Variants in ENOX1 observed in about 807,000 individuals in gnomAD.
ENOX1 encodes the protein ecto-NOX disulfide-thiol exchanger 1, also known as candidate growth-related and time keeping constitutive hydroquinone (NADH) oxidase.
In ENOX1, 42 loss-of-function variants were observed where a neutral mutation model predicts 82.5. That is an observed-to-expected ratio of 0.51 (90% CI 0.40 to 0.66). ENOX1 has a LOEUF of 0.66. Ranked by LOEUF, ENOX1 falls within the 30% of genes least tolerant of loss-of-function variation. The pLI, the probability that ENOX1 is intolerant of heterozygous loss-of-function variation, is 0.00. For synonymous variants in ENOX1, 271 were observed against 282.2 expected (o/e 0.96, Z 0.40); for missense variants, 608 against 811.6 (o/e 0.75, Z 3.05).
chr13:43,726,718 TTGTGTGTGTGTGTG>T (rs55918525), intron 1 of ENOX1, among the ~76,000 whole-genome samples: 2 of 144,698 alleles, frequency 1.4e-5, no homozygotes, highest in Non-Finnish European at 3.0e-5. Context: ...GCATTGACTT[TTGTGTGTGTGTGTG>T]TGTGTGTGTG....
At chr13:43,407,211 CCA>C (rs2053852991) in intron 5 of ENOX1, among the ~76,000 whole-genome samples, 1 of 152,142 alleles carries the variant, frequency 6.6e-6, no homozygotes, top group Non-Finnish European at 1.5e-5. Flanking sequence ...ACAACGTGTG[CCA>C]CAGAAAACTG....
At chr13:43,743,914 G>A (rs1291713572) in intron 1 of ENOX1, among the ~76,000 whole-genome samples, 1 of 152,158 alleles carries the variant, frequency 6.6e-6, no homozygotes, top group Non-Finnish European at 1.5e-5. Flanking sequence ...GAGAGAGCCA[G>A]AGAGAGGGGA....
At chr13:43,744,862 G>A (rs2153828807) in intron 1 of ENOX1, among the ~76,000 whole-genome samples, 1 of 152,300 alleles carries the variant, frequency 6.6e-6, no homozygotes, top group Middle Eastern at 3.4e-3. Context: ...CCTAAATAAT[G>A]CACTGCATAA....
chr13:43,661,939 C>T (rs1566728167), intron 2 of ENOX1, among the ~76,000 whole-genome samples: 1 of 152,102 alleles, frequency 6.6e-6, no homozygotes, highest in Non-Finnish European at 1.5e-5. Context: ...GTAAAAAAAT[C>T]CAGTTAATTA....
At chr13:43,484,330 C>T (rs2058614009) in intron 2 of ENOX1, among the ~76,000 whole-genome samples, 178 bp from the exon 3 acceptor site, 1 of 152,124 alleles carries the variant, frequency 6.6e-6, no homozygotes, top group Non-Finnish European at 1.5e-5. Context: ...CTTTCAATAT[C>T]GTATTTAGAA....
chr13:43,535,039 C>T (rs907512720), intron 2 of ENOX1, among the ~76,000 whole-genome samples: 1 of 152,154 alleles, frequency 6.6e-6, no homozygotes, highest in South Asian at 2.1e-4. Context: ...CTAACATCTA[C>T]TAGTTGTGTG....
intron 13 of ENOX1, among the ~76,000 whole-genome samples, chr13:43,267,018 C>T (rs1349935101): frequency 3.3e-5 from 5 of 152,162 alleles, no homozygotes; most frequent in African/African-American, 1.2e-4. Context: ...TCTGCTCTCG[C>T]TTTTTCTGCT....
At chr13:43,468,634 GA>G (rs60827645) in intron 3 of ENOX1, among the ~76,000 whole-genome samples, 61,574 of 127,448 alleles carry the variant, frequency 0.48, 13,288 homozygotes, top group East Asian at 0.83. Context: ...CCACAAAAAA[GA>G]AAAAAAAAAA....
In ENOX1 at chr13:43,486,289, C is replaced by T. The variant is rs905937024; in HGVS notation, c.-218-2137G>A. On this transcript the variant is annotated intron_variant, in intron 2 of 16. Coordinates refer to ENST00000690772, the MANE Select transcript of ENOX1 (RefSeq NM_001347969.2). ...ATCCTGGCTACTCGGGAGGCTGAGG[C>T]ATAAGAATCACTTGAACCCAGGAGG... Among the ~76,000 whole-genome samples, 7 of 151,930 alleles carry T rather than the reference C, an allele frequency of 4.6e-5. 1 individual carries two copies. In the South Asian group the frequency reaches 8.3e-4, roughly 18 times the overall value.
At chr13:43,471,489 A>G (rs2058064381) in intron 3 of ENOX1, among the ~76,000 whole-genome samples, 1 of 152,194 alleles carries the variant, frequency 6.6e-6, no homozygotes, top group South Asian at 2.1e-4. Flanking sequence ...ATTTAGGAGG[A>G]TATGTACTAA....
intron 2 of ENOX1, among the ~76,000 whole-genome samples, chr13:43,521,049 A>G (rs2077747042): frequency 6.6e-6 from 1 of 152,162 alleles, no homozygotes; most frequent in African/African-American, 2.4e-5. Flanking sequence ...GCAATGCATG[A>G]GGACATATCA....
chr13:43,353,875 A>T (rs771821015), intron 8 of ENOX1, among the ~76,000 whole-genome samples: 2 of 152,256 alleles, frequency 1.3e-5, no homozygotes, highest in Non-Finnish European at 2.9e-5. Flanking sequence ...TGAAATGGCA[A>T]GGCTTGCAAA....
intron 3 of ENOX1, among the ~76,000 whole-genome samples, chr13:43,471,101 A>G (rs2058047543): frequency 1.3e-5 from 2 of 152,342 alleles, no homozygotes; most frequent in South Asian, 4.1e-4. Context: ...GAAATGTGGA[A>G]GAATGGATAA....
intron 14 of ENOX1, 44 bp downstream of exon 14, chr13:43,265,354 C>T: frequency 6.4e-7 from 1 of 1,559,050 alleles, no homozygotes; most frequent in Non-Finnish European, 8.8e-7. Flanking sequence ...TGTGTTCAAC[C>T]AACGTCAAGC....
chr13:43,545,530 C>G (rs2078938376), intron 2 of ENOX1: 1 of 152,248 alleles, frequency 6.6e-6, no homozygotes, highest in Admixed American at 6.5e-5. Context: ...GAGGCCTGGT[C>G]TGTGGGCCCC....
chr13:43,613,102 A>T (rs2082267686), intron 2 of ENOX1, among the ~76,000 whole-genome samples: 1 of 152,162 alleles, frequency 6.6e-6, no homozygotes, highest in South Asian at 2.1e-4. Context: ...ATTATAAAAA[A>T]TTTTGAGTGT....
chr13:43,254,105 TTTAAA>T (rs1402335448), intron 14 of ENOX1, among the ~76,000 whole-genome samples: 8 of 152,190 alleles, frequency 5.3e-5, no homozygotes, highest in South Asian at 4.1e-4. Context: ...TTTGTTAAAC[TTTAAA>T]TTAATCACTC....
intron 2 of ENOX1, among the ~76,000 whole-genome samples, chr13:43,592,441 T>C (rs1222670965): frequency 2.0e-5 from 3 of 152,204 alleles, no homozygotes; most frequent in South Asian, 2.1e-4. Flanking sequence ...AATACCATCA[T>C]TGCATTTTTT....
In ENOX1 at chr13:43,214,041, C is replaced by T. The variant is rs7989972; in HGVS notation, c.1881G>A (p.Thr627=). The change falls in exon 17 of 17, where the codon ACG becomes ACA. Residue 627 remains threonine, a synonymous_variant. Coordinates refer to ENST00000690772, the MANE Select transcript of ENOX1 (RefSeq NM_001347969.2). ...CACACAGCTTCCATCTTTTTTCCAG[C>T]GTGGCTCCCACACCCGTGAATTCCT... is the stretch of plus-strand genomic sequence containing the variant. ...FKQEFTGVGA[T]LEKRWKLCAF... is the part of the protein sequence containing the mutation. 76 of 1,613,554 alleles carry T rather than the reference C, an allele frequency of 4.7e-5. No homozygotes were observed. The highest frequency in any genetic ancestry group is 6.3e-5 in the Non-Finnish European group (74 of 1,179,770).
Sources: gnomAD v4.1 joint callset for allele counts (sites outside exome capture counted in the v4.1 genomes callset) on GRCh38, gnomAD v4.1.1 for gene constraint, MANE v1.5 for transcripts, NCBI Gene and HGNC (gene_info 2026-07-23, HGNC 2026-07-21) for gene names.